The following CCL28 variants were observed in gnomAD, a reference collection of about 807,000 sequenced individuals.
CCL28 encodes the protein C-C motif chemokine 28.
In CCL28, 4 loss-of-function variants were observed where a neutral mutation model predicts 7.1. The ratio of observed to expected loss-of-function variants is 0.56; its 90% CI spans 0.28 to 1.29. The LOEUF is 1.29. CCL28 is among the 50% of genes most tolerant of loss of function. CCL28 has a pLI of 0.11. For synonymous variants in CCL28, 55 were observed against 57.8 expected (o/e 0.95, Z 0.22); for missense variants, 151 against 163.4 (o/e 0.92, Z 0.41).
chr5:43,387,562 C>A (rs1478732865), intron 2 of CCL28, among the ~76,000 whole-genome samples: 4 of 152,228 alleles, frequency 2.6e-5, no homozygotes, highest in Non-Finnish European at 5.9e-5. Context: ...AGCACTGTGA[C>A]AGGTATAGAT....
At chr5:43,378,890 G>A (rs866139555), downstream of CCL28, among the ~76,000 whole-genome samples, 1 of 152,070 alleles carries the variant, frequency 6.6e-6, no homozygotes, top group Admixed American at 6.6e-5. Flanking sequence ...GAACCCAGGA[G>A]GCAGAGATTG....
At chr5:43,393,476 T>C (rs1740668143) in intron 1 of CCL28, among the ~76,000 whole-genome samples, 1 of 152,032 alleles carries the variant, frequency 6.6e-6, no homozygotes, top group South Asian at 2.1e-4. Context: ...TGCCTCAGCC[T>C]CCCAAGTAGC....
chr5:43,391,972 CCTTGGGG>C (rs1341734057), intron 1 of CCL28, among the ~76,000 whole-genome samples: 1 of 152,102 alleles, frequency 6.6e-6, no homozygotes, highest in Non-Finnish European at 1.5e-5. Flanking sequence ...CTAGATGTCT[CCTTGGGG>C]CTTGTGTGAG....
At chr5:43,369,692 C>T in the CCL28 span, among the ~76,000 whole-genome samples, 2 of 152,242 alleles carry the variant, frequency 1.3e-5, no homozygotes, top group East Asian at 1.9e-4. Context: ...CCAACATCCT[C>T]CTGCTGGGAT....
At chr5:43,376,629 C>A (rs1205012181), downstream of CCL28, 1 of 152,222 alleles carries the variant, frequency 6.6e-6, no homozygotes, top group Non-Finnish European at 1.5e-5. Context: ...CAGACTGATA[C>A]ATTGAGACAG....
intron 1 of CCL28, among the ~76,000 whole-genome samples, chr5:43,407,717 T>C (rs1383321832): frequency 2.0e-5 from 3 of 152,118 alleles, no homozygotes; most frequent in Non-Finnish European, 2.9e-5. Flanking sequence ...ACCTACAGAA[T>C]GGGAGAAAAA....
At chr5:43,374,349 G>A (rs1739841210), downstream of CCL28, among the ~76,000 whole-genome samples, 1 of 152,216 alleles carries the variant, frequency 6.6e-6, no homozygotes, top group African/African-American at 2.4e-5. Flanking sequence ...GATGGAATGA[G>A]CTTGGAGTCA....
intron 1 of CCL28, among the ~76,000 whole-genome samples, chr5:43,404,946 C>A (rs1212904754): frequency 6.6e-6 from 1 of 152,200 alleles, no homozygotes; most frequent in African/African-American, 2.4e-5. Context: ...ATCAATTCAA[C>A]AAGAAGAGCT....
chr5:43,368,574 A>G, the CCL28 span, among the ~76,000 whole-genome samples: 8 of 152,228 alleles, frequency 5.3e-5, no homozygotes, highest in African/African-American at 2.4e-5. Flanking sequence ...TTGAATTGTT[A>G]AAGTCCTAAC....
Position 43,401,096 on chromosome 5 carries a change from AG to A in CCL28, c.64+11156del, listed in dbSNP as rs1455713209. Among the ~76,000 whole-genome samples, 42 of 141,922 alleles carry A rather than the reference AG, an allele frequency of 3.0e-4. 1 individual carries two copies. The highest frequency in any genetic ancestry group is 1.2e-3 in the African/African-American group (40 of 33,042). The allele number at this position is 141,922 out of a possible 152,430, so 93.1% of individuals were successfully genotyped here. ...AGACTCCGTCTCAAAAAAAAAAAAA[AG>A]AAAAAGAAAAAAAAGGCAACACATA... On this transcript the variant is annotated intron_variant, in intron 1 of 2. Transcript: ENST00000361115.
At chr5:43,366,678 T>A in the CCL28 span, among the ~76,000 whole-genome samples, 32 of 152,362 alleles carry the variant, frequency 2.1e-4, no homozygotes, top group African/African-American at 7.2e-4. Flanking sequence ...AGTGCTATGC[T>A]GGGAGATCTG....
intron 1 of CCL28, among the ~76,000 whole-genome samples, chr5:43,402,220 T>G (rs547402625): frequency 6.6e-6 from 1 of 152,254 alleles, no homozygotes; most frequent in African/African-American, 2.4e-5. Context: ...TTGGAATATC[T>G]GCTTTTCCTA....
At chr5:43,387,256 C>T (rs781489028) in intron 2 of CCL28, among the ~76,000 whole-genome samples, 2 of 152,178 alleles carry the variant, frequency 1.3e-5, no homozygotes, top group Non-Finnish European at 1.5e-5. Flanking sequence ...GGTTCACATC[C>T]TGTTTCTGCA....
intron 1 of CCL28, among the ~76,000 whole-genome samples, chr5:43,398,636 G>A (rs1561164016): frequency 6.6e-6 from 1 of 152,150 alleles, no homozygotes; most frequent in Non-Finnish European, 1.5e-5. Flanking sequence ...GGATCACGAG[G>A]TCAGAAGTTC....
chr5:43,369,716 C>T, the CCL28 span, among the ~76,000 whole-genome samples: 1 of 152,216 alleles, frequency 6.6e-6, no homozygotes, highest in Admixed American at 6.5e-5. Flanking sequence ...AGGCCCACCA[C>T]TGTGCCTGGC....
Sources: gnomAD v4.1 joint callset for allele counts (sites outside exome capture counted in the v4.1 genomes callset) on GRCh38, gnomAD v4.1.1 for gene constraint, MANE v1.5 for transcripts, NCBI Gene and HGNC (gene_info 2026-07-23, HGNC 2026-07-21) for gene names.